PCDHGA6: variants seen among roughly 807,000 people sequenced by gnomAD.
PCDHGA6 encodes protocadherin gamma-A6.
PCDHGA6 carries 41 observed loss-of-function variants against 60.6 expected under a neutral mutation model. The observed-to-expected ratio is 0.68, with a 90% CI of 0.53 to 0.88. PCDHGA6 has a LOEUF of 0.88. Among genes scored for constraint, PCDHGA6 ranks in the 40% least tolerant of loss-of-function variants. The pLI is 0.00. For synonymous variants in PCDHGA6, 594 were observed against 524.4 expected (o/e 1.13, Z -1.81); for missense variants, 1,312 against 1,203.0 (o/e 1.09, Z -1.34).
intron 1 of PCDHGA6, chr5:141,428,335 T>G (rs535486665): frequency 3.3e-6 from 2 of 615,106 alleles, no homozygotes; most frequent in East Asian, 5.9e-5. Context: ...TTCTATGCTC[T>G]TCTTCCTCGC....
At chr5:141,393,197 T>C (rs1470064881) in intron 1 of PCDHGA6, 1 of 1,613,448 alleles carries the variant, frequency 6.2e-7, no homozygotes, top group South Asian at 1.1e-5. Context: ...ATATTAACGA[T>C]AATAACCCAA....
At chr5:141,423,674 C>T (rs57195665) in intron 1 of PCDHGA6, 3 of 1,514,742 alleles carry the variant, frequency 2.0e-6, no homozygotes, top group African/African-American at 1.5e-5. Context: ...AGATTTATTT[C>T]TCTGCCTCCT....
intron 1 of PCDHGA6, chr5:141,399,951 C>A (rs749264259): frequency 6.2e-7 from 1 of 1,612,120 alleles, no homozygotes; most frequent in Non-Finnish European, 8.5e-7. Flanking sequence ...TGCAGGCTAG[C>A]GAGCCCGGGC....
chr5:141,375,952 G>T lies in PCDHGA6; in HGVS notation c.1869G>T (p.Thr623=), dbSNP rs1032808913. The T allele has an allele frequency of 1.2e-6, 2 of 1,613,514 alleles. No homozygotes were observed. Among genetic ancestry groups the T allele is most frequent in the Non-Finnish European group, 1.7e-6 (2 of 1,179,936 alleles). The change falls in exon 1 of 4, where the codon ACG becomes ACT. Residue 623 remains threonine (T), a synonymous_variant. Coordinates refer to ENST00000517434, the MANE Select transcript of PCDHGA6 (RefSeq NM_018919.3). ...GACTTTTCTCAGTGGGCCTGCACAC[G>T]GGCGAGGTGCGCACGGCGCGCGCCC... ...EPGLFSVGLH[T]GEVRTARALL...
At chr5:141,502,300 TTCCTC>T (rs139569110) in intron 2 of PCDHGA6, among the ~76,000 whole-genome samples, 4,853 of 152,256 alleles carry the variant, frequency 0.032, 250 homozygotes, top group African/African-American at 0.11. Flanking sequence ...TGTCACGTCT[TTCCTC>T]TCCTTTAATC....
chr5:141,423,661 GT>G, intron 1 of PCDHGA6: 1 of 1,555,760 alleles, frequency 6.4e-7, no homozygotes. Flanking sequence ...AAGTAATCAG[GT>G]GAGATTTATT....
intron 1 of PCDHGA6, among the ~76,000 whole-genome samples, chr5:141,433,553 T>C (rs530467777): frequency 1.3e-5 from 2 of 151,614 alleles, no homozygotes; most frequent in African/African-American, 4.8e-5. Flanking sequence ...TATTCTTTTC[T>C]GGCTGGGCGC....
chr5:141,393,896 T>C lies in PCDHGA6; in HGVS notation c.2424+17389T>C, dbSNP rs754023896. 3.1e-6 allele frequency: 5 copies of C among 1,613,942 alleles called. No homozygotes were observed. In the East Asian group the frequency reaches 1.1e-4, roughly 36 times the overall value. On this transcript the variant is annotated intron_variant, in intron 1 of 3. Coordinates refer to ENST00000517434, the MANE Select transcript of PCDHGA6 (RefSeq NM_018919.3). Reference sequence around the variant, plus strand: ...TTAGCCCAGTGTTAGAAAATTCTCTTCCCGGGACAGTAATTGCCTTCTTGA... The same window carrying C: ...TTAGCCCAGTGTTAGAAAATTCTCTCCCCGGGACAGTAATTGCCTTCTTGA...
At chr5:141,392,851 T>C in intron 1 of PCDHGA6, 1 of 1,611,148 alleles carries the variant, frequency 6.2e-7, no homozygotes, top group Non-Finnish European at 8.5e-7. Context: ...CGCGGCGAGC[T>C]GATCCTGCTG....
At chr5:141,482,852 A>G (rs1237049208) in intron 1 of PCDHGA6, among the ~76,000 whole-genome samples, 1 of 144,420 alleles carries the variant, frequency 6.9e-6, no homozygotes, top group Non-Finnish European at 1.5e-5. Flanking sequence ...TGGGCAGATC[A>G]CTTGAGGTCA....
chr5:141,463,364 T>C (rs1166107031), intron 1 of PCDHGA6, among the ~76,000 whole-genome samples: 2 of 150,250 alleles, frequency 1.3e-5, no homozygotes, highest in Admixed American at 6.6e-5. Context: ...TCCCCTTTCC[T>C]GCCCCACAGT....
rs576044355 is a variant in PCDHGA6 at position 141,375,342 on chromosome 5, T to A, written c.1259T>A (p.Ile420Asn). 97 of 1,613,798 alleles carry A rather than the reference T, an allele frequency of 6.0e-5. 3 individuals are homozygous for A. In the South Asian group the frequency reaches 9.8e-4, roughly 16 times the overall value. The change falls in exon 1 of 4, where the codon ATC becomes AAC. Residue 420 changes from isoleucine (I) to asparagine (N), a missense_variant. Transcript: ENST00000517434. Reference sequence around the variant, plus strand: ...CGGGAAGAGGTATTCTTGTACAACATCACTGTGACAGCCACGGACAAAGGA... The same window carrying A: ...CGGGAAGAGGTATTCTTGTACAACAACACTGTGACAGCCACGGACAAAGGA... The part of the protein sequence containing the change: ...LDREEVFLYN[I>N]TVTATDKGTP...
chr5:141,410,311 C>T lies in PCDHGA6; in HGVS notation c.2424+33804C>T, dbSNP rs867067555. On this transcript the variant is annotated intron_variant, in intron 1 of 3. Coordinates refer to ENST00000517434, the MANE Select transcript of PCDHGA6 (RefSeq NM_018919.3). ...CCTTGGCCTTAATCTCAGTGCTCTT[C>T]CTCCTCGCCGTGATTCTGGCCATTG... 4 of 1,613,936 alleles carry T rather than the reference C, an allele frequency of 2.5e-6. No homozygotes were observed. In the African/African-American group the frequency reaches 5.3e-5, roughly 22 times the overall value.
At position 141,463,977 on chromosome 5, in the gene PCDHGA6, T is replaced by C. The variant is rs948698340; in HGVS notation, c.2425-30830T>C. On this transcript the variant is annotated intron_variant, in intron 1 of 3. Coordinates refer to ENST00000517434, the MANE Select transcript of PCDHGA6 (RefSeq NM_018919.3). ...TTTAAAATAGCTTCATAAAACTCCA[T>C]TGTAAAAACCAGGTGCAGTGGCTCA... Among the ~76,000 whole-genome samples the C allele has an allele frequency of 2.6e-5, 4 of 152,258 alleles. 1 individual carries two copies. The highest frequency in any genetic ancestry group is 4.4e-5 in the Non-Finnish European group (3 of 68,004).
At chr5:141,390,385 C>T in intron 1 of PCDHGA6, 1 of 1,430,580 alleles carries the variant, frequency 7.0e-7, no homozygotes, top group South Asian at 1.3e-5. Flanking sequence ...TTTTAGATGT[C>T]ATGGATCATT....
chr5:141,435,883 C>A (rs1458527952), intron 1 of PCDHGA6, among the ~76,000 whole-genome samples: 1 of 152,020 alleles, frequency 6.6e-6, no homozygotes, highest in African/African-American at 2.4e-5. Flanking sequence ...GATTGGAAAC[C>A]CCTTAGAGAA....
rs1301800438 is a variant in PCDHGA6, at chr5:141,432,966, C to T, written c.2424+56459C>T. ...TCAGGAGGCGGCTTGACAGGAGCGC[C>T]GGCGTCGCACTTTGTGGGCGTGGAC... On this transcript the variant is annotated intron_variant, in intron 1 of 3. Coordinates refer to ENST00000517434, the MANE Select transcript of PCDHGA6 (RefSeq NM_018919.3). This position sits in a 1 kb window ranked among gnomAD's most constrained non-coding sequence, Gnocchi z 6.0. 1.2e-6 allele frequency: 2 copies of T among 1,614,066 alleles called. No homozygotes were observed. The highest frequency in any genetic ancestry group is 8.5e-7 in the Non-Finnish European group (1 of 1,180,052).
chr5:141,425,221 C>T (rs2096862694), intron 1 of PCDHGA6, among the ~76,000 whole-genome samples: 1 of 152,068 alleles, frequency 6.6e-6, no homozygotes, highest in African/African-American at 2.4e-5. Context: ...TGTACTTTGA[C>T]TGGAATTAGT....
intron 1 of PCDHGA6, chr5:141,423,804 T>A: frequency 8.1e-7 from 1 of 1,240,508 alleles, no homozygotes; most frequent in Non-Finnish European, 1.0e-6. Context: ...GAGCAATACA[T>A]GTGAGTTTTA....
Sources: allele counts gnomAD v4.1 joint callset (sites outside exome capture counted in the v4.1 genomes callset), GRCh38; gene constraint gnomAD v4.1.1; non-coding constraint Gnocchi (gnomAD v3.1); transcripts MANE v1.5; gene names NCBI Gene and HGNC (gene_info 2026-07-23, HGNC 2026-07-21).